Variants in SCAI observed in about 807,000 individuals in gnomAD.
The protein encoded by SCAI is suppressor of cancer cell invasion.
SCAI carries 24 observed loss-of-function variants against 92.2 expected under a neutral mutation model. That is an observed-to-expected ratio of 0.26 (90% CI 0.19 to 0.37). SCAI has a LOEUF of 0.37. Among genes scored for constraint, SCAI ranks in the 10% least tolerant of loss-of-function variants. The pLI is 1.00. For synonymous variants in SCAI, 261 were observed against 258.6 expected, an observed-to-expected ratio of 1.01 and a Z score of -0.09; for missense variants, 450 against 736.2, an observed-to-expected ratio of 0.61 and a Z score of 4.50.
At chr9:125,084,327 C>A (rs990050225) in intron 2 of SCAI, among the ~76,000 whole-genome samples, 1 of 151,836 alleles carries the variant, frequency 6.6e-6, no homozygotes, top group African/African-American at 2.4e-5. Context: ...CCCACCACCA[C>A]GCCCGGCTAA....
intron 2 of SCAI, among the ~76,000 whole-genome samples, chr9:125,100,968 C>T (rs1233056464): frequency 6.6e-6 from 1 of 152,096 alleles, no homozygotes; most frequent in Non-Finnish European, 1.5e-5. Context: ...TGCATGCCTA[C>T]AATCCCAGCT....
In SCAI at chr9:124,989,280, G is replaced by A. The variant is rs188358586; in HGVS notation, c.1326+5654C>T. On this transcript the variant is annotated intron_variant, in intron 14 of 17. Transcript: ENST00000336505. ...AGAAAACAGAATTAGAATGCTTCAT[G>A]CTTCTTAAGAAATATTGGGCTCGGC... is the stretch of plus-strand genomic sequence containing the variant. Among the ~76,000 whole-genome samples, 50 of 152,304 alleles carry A rather than the reference G, an allele frequency of 3.3e-4. 1 individual carries two copies. Among genetic ancestry groups the A allele is most frequent in the Admixed American group, 2.9e-3 (44 of 15,296 alleles).
At chr9:125,058,471 T>C (rs890585770) in intron 2 of SCAI, among the ~76,000 whole-genome samples, 2 of 152,112 alleles carry the variant, frequency 1.3e-5, no homozygotes, top group East Asian at 1.9e-4. Context: ...GCTGAGATCA[T>C]GCCACTGTAC....
intron 2 of SCAI, among the ~76,000 whole-genome samples, chr9:125,101,787 T>G (rs1211982100): frequency 6.6e-6 from 1 of 152,198 alleles, no homozygotes; most frequent in African/African-American, 2.4e-5. Flanking sequence ...CTAAATGTAT[T>G]TCTCAGTGTG....
intron 2 of SCAI, among the ~76,000 whole-genome samples, chr9:125,112,948 T>C (rs901835658): frequency 6.6e-6 from 1 of 152,228 alleles, no homozygotes; most frequent in Non-Finnish European, 1.5e-5. Flanking sequence ...AAAGTAGTAC[T>C]GGATTATAAA....
At position 125,003,183 on chromosome 9, in the gene SCAI, G is replaced by T. The variant is rs746668189; in HGVS notation, c.996C>A (p.Asn332Lys). The change falls in exon 11 of 18, where the codon AAC becomes AAA. Residue 332 changes from asparagine to lysine, a missense_variant. Asn to Lys is a moderately conservative substitution (Grantham distance 94, BLOSUM62 0). Coordinates refer to ENST00000336505, the MANE Select transcript of SCAI (RefSeq NM_001144877.3). ...GTTTGTAGAGCAGATACTTGTGGGGGTTTTCTCGTCTAGTAGGCTTGTCAG... is the reference window on the plus strand; with the variant it reads ...GTTTGTAGAGCAGATACTTGTGGGGTTTTTCTCGTCTAGTAGGCTTGTCAG... ...ESADKPTRRE[N>K]PHKYLLYKPT... 6.2e-7 allele frequency: 1 copy of T among 1,613,838 alleles called. No homozygotes were observed.
chr9:124,983,618 G>A (rs952931221), intron 14 of SCAI, among the ~76,000 whole-genome samples: 1 of 152,262 alleles, frequency 6.6e-6, no homozygotes, highest in Admixed American at 6.5e-5. Flanking sequence ...CTCCCAAAGT[G>A]CTGGGATTAC....
chr9:124,971,288 A>G, intron 17 of SCAI, 82 bp downstream of exon 17: 1 of 687,750 alleles, frequency 1.5e-6, no homozygotes, highest in Non-Finnish European at 2.4e-6. Context: ...TTATAACCTT[A>G]TTTTATACAG....
At chr9:125,047,097 C>T (rs990565887) in intron 3 of SCAI, among the ~76,000 whole-genome samples, 1 of 152,134 alleles carries the variant, frequency 6.6e-6, no homozygotes, top group South Asian at 2.1e-4. Context: ...TCCCAAAACT[C>T]GTACATTCAA....
chr9:124,984,031 G>A (rs960229142), intron 14 of SCAI, among the ~76,000 whole-genome samples: 1 of 152,196 alleles, frequency 6.6e-6, no homozygotes, highest in Non-Finnish European at 1.5e-5. Flanking sequence ...AAAGAAAGGT[G>A]GATGAGGAGT....
chr9:125,142,942 C>A (rs1232526758), intron 1 of SCAI, among the ~76,000 whole-genome samples: 2 of 151,934 alleles, frequency 1.3e-5, no homozygotes, highest in Admixed American at 1.3e-4. Context: ...CTCGTCACAG[C>A]CCAGCTCCCC....
chr9:125,131,144 G>T (rs567888362), intron 2 of SCAI, among the ~76,000 whole-genome samples: 1 of 151,452 alleles, frequency 6.6e-6, no homozygotes, highest in East Asian at 1.9e-4. Flanking sequence ...AGTGGCTCAC[G>T]CCTGTAATCC....
intron 2 of SCAI, among the ~76,000 whole-genome samples, chr9:125,107,860 C>G (rs1834833750): frequency 6.6e-6 from 1 of 152,204 alleles, no homozygotes; most frequent in South Asian, 2.1e-4. Context: ...CCTCTCTTTC[C>G]ACGGTCTCCC....
chr9:125,062,792 T>C (rs539564339), intron 2 of SCAI, among the ~76,000 whole-genome samples: 1 of 151,658 alleles, frequency 6.6e-6, no homozygotes, highest in African/African-American at 2.4e-5. Flanking sequence ...GAGGCTGAGA[T>C]GGGTGGATCA....
intron 2 of SCAI, among the ~76,000 whole-genome samples, chr9:125,063,108 C>CA (rs1340718417): frequency 1.3e-5 from 2 of 150,422 alleles, no homozygotes; most frequent in East Asian, 1.9e-4. Context: ...CCCCACCCCC[C>CA]CCAGAAAAGG....
chr9:125,024,362 G>A (rs1027140453), intron 6 of SCAI, among the ~76,000 whole-genome samples: 15 of 147,578 alleles, frequency 1.0e-4, no homozygotes, highest in Non-Finnish European at 1.2e-4. Context: ...TGCAACCTCC[G>A]CCTCCCCGGT....
At chr9:125,005,760 T>C (rs947930241) in intron 9 of SCAI, among the ~76,000 whole-genome samples, 7 of 152,108 alleles carry the variant, frequency 4.6e-5, no homozygotes. Flanking sequence ...AGATGGCCCC[T>C]CCCACACATA....
In SCAI at chr9:125,050,020, T is replaced by C. The variant is rs571300782; in HGVS notation, c.230+5856A>G. On this transcript the variant is annotated intron_variant, in intron 3 of 17. Transcript: ENST00000336505. ...CTTCAGTAATAAGTTTAAGACACAG[T>C]ACATGAATTGAAGAAAGCAAGCAAA... Among the ~76,000 whole-genome samples, 87 of 150,308 alleles carry C rather than the reference T, an allele frequency of 5.8e-4. 2 individuals carry two copies. Among genetic ancestry groups the C allele is most frequent in the African/African-American group, 2.0e-3 (81 of 40,808 alleles).
chr9:125,003,329 A>ACTGTGATGATCTATTTC, intron 10 of SCAI, 114 bp from the exon 11 acceptor site: 1 of 1,001,864 alleles, frequency 1.0e-6, no homozygotes, highest in Non-Finnish European at 1.6e-6. Flanking sequence ...ACTCAGTCTT[A>ACTGTGATGATCTATTTC]CTGTGATGAT....
Sources: gnomAD v4.1 joint callset for allele counts (sites outside exome capture counted in the v4.1 genomes callset) on GRCh38, gnomAD v4.1.1 for gene constraint, MANE v1.5 for transcripts, NCBI Gene and HGNC (gene_info 2026-07-23, HGNC 2026-07-21) for gene names.